MUC4: variants seen among roughly 807,000 people sequenced by gnomAD.
MUC4 encodes mucin 4, cell surface associated.
A neutral mutation model predicts 257.9 loss-of-function variants in MUC4; 202 were observed. The ratio of observed to expected loss-of-function variants is 0.78; its 90% CI spans 0.70 to 0.88. The LOEUF is 0.88. Ranked by LOEUF, MUC4 falls within the 40% of genes least tolerant of loss-of-function variation. The probability of loss-of-function intolerance (pLI) is 0.00; values close to 1 mark genes in which losing one functional copy is unlikely to be tolerated. For synonymous variants in MUC4, 2,351 were observed against 2,757.1 expected, an observed-to-expected ratio of 0.85 and a Z score of 4.62; for missense variants, 5,976 against 6,513.7, an observed-to-expected ratio of 0.92 and a Z score of 2.84.
rs1196815244 is a variant in MUC4, at chr3:195,782,189, T to C, written c.9391A>G (p.Thr3131Ala). Residue 3131 changes from threonine (T) to alanine (A), a missense_variant, in exon 2 of 25, where the codon ACA becomes GCA. By Grantham distance (58) the Thr-to-Ala change is moderately conservative (BLOSUM62 0). This residue lies in a region of MUC4 where 128 missense variants were observed against 104.8 expected (regional missense o/e 1.22). Coordinates refer to ENST00000463781, the MANE Select transcript of MUC4 (RefSeq NM_018406.7). ...LPVTDTSSAS[T>A]GQATALPVTS... ...ACAGGAAGAGCGGTGGCCTGACCTG[T>C]GGATGCTGAGGAAGTGTCGGTGACA... 7.2e-7 allele frequency: 1 copy of C among 1,385,812 alleles called. No individual in the cohort carries two copies. Among genetic ancestry groups the C allele is most frequent in the Admixed American group, 2.2e-5 (1 of 44,462 alleles). 85.8% of individuals were successfully genotyped at this position (1,385,812 alleles called of 1,614,324 possible).
intron 20 of MUC4, 178 bp from the exon 21 acceptor site, chr3:195,752,624 C>A: frequency 1.6e-6 from 1 of 622,468 alleles, no homozygotes; most frequent in Non-Finnish European, 2.9e-6. Flanking sequence ...CTGAAGAAAC[C>A]GGGAGAAGTG....
In MUC4 at chr3:195,763,523, C is replaced by G; in HGVS notation, c.14163G>C (p.Gln4721His). The change falls in exon 12 of 25, where the codon CAG (glutamine) becomes CAC (histidine). Residue 4721 changes from glutamine to histidine, a missense_variant. Transcript: ENST00000463781. ...CTGAGCCAGTCTGGGCGGTGCGGCC[C>G]TGAAGCAGGAAGGAGGAGTTCCCGT... ...AQDGNSSFLL[Q>H]GRTAQTGSAQ... 6.4e-7 allele frequency: 1 copy of G among 1,574,496 alleles called. No individual in the cohort carries two copies. Among genetic ancestry groups the G allele is most frequent in the Non-Finnish European group, 8.6e-7 (1 of 1,158,998 alleles).
chr3:195,797,128 G>T (rs1734673642), intron 1 of MUC4, among the ~76,000 whole-genome samples: 1 of 151,918 alleles, frequency 6.6e-6, no homozygotes, highest in South Asian at 2.1e-4. Context: ...TGTGTGCTGG[G>T]CTTGGTGGCA....
chr3:195,767,489 C>CCATCACCATCACCACCAG (rs1720889025), intron 7 of MUC4, among the ~76,000 whole-genome samples: 1 of 137,704 alleles, frequency 7.3e-6, no homozygotes, highest in Non-Finnish European at 1.6e-5. Flanking sequence ...ATCACCACCA[C>CCATCACCATCACCACCAG]CATCACCATC....
chr3:195,790,441 G>T lies in MUC4; in HGVS notation c.1139C>A (p.Pro380His). The T allele has an allele frequency of 6.2e-7, 1 of 1,613,860 alleles. No individual in the cohort carries two copies. ...FPSGETTTSSPSSVSNTFLVT... is the reference protein window; with the variant it reads ...FPSGETTTSSHSSVSNTFLVT... Reference sequence around the variant, plus strand: ...CAGGAATGTATTGCTGACACTGGAAGGGGATGAGGTGGTTGTTTCACCAGA... The same window carrying T: ...CAGGAATGTATTGCTGACACTGGAATGGGATGAGGTGGTTGTTTCACCAGA... The change falls in exon 2 of 25, where the codon CCT (proline) becomes CAT (histidine). Residue 380 changes from proline (P) to histidine (H), a missense_variant. Pro to His is a moderately conservative substitution (Grantham distance 77). Transcript: ENST00000463781.
At chr3:195,758,617 C>T (rs906095273) in intron 17 of MUC4, among the ~76,000 whole-genome samples, 4 of 146,238 alleles carry the variant, frequency 2.7e-5, no homozygotes, top group Non-Finnish European at 5.9e-5. Flanking sequence ...GGCTGGAGTG[C>T]AGTGACGCGA....
Position 195,785,590 on chromosome 3 carries a change from T to G in MUC4, c.5990A>C (p.His1997Pro). 1 of 1,533,554 alleles carries G rather than the reference T, an allele frequency of 6.5e-7. No individual in the cohort carries two copies. The highest frequency in any genetic ancestry group is 8.8e-7 in the Non-Finnish European group (1 of 1,139,186). 95.0% of individuals were successfully genotyped at this position (1,533,554 alleles called of 1,614,324 possible). A position where few individuals can be genotyped will look rare whatever the true frequency, so the allele number is the denominator to read the frequency against. Residue 1997 changes from histidine (H) to proline (P), a missense_variant, in exon 2 of 25, where the codon CAT (histidine) becomes CCT (proline). Around this residue, in one of 44 missense-constraint regions of MUC4, gnomAD observed 51 missense variants for 45.1 expected, o/e 1.13. Coordinates refer to ENST00000463781, the MANE Select transcript of MUC4 (RefSeq NM_018406.7). ...GTCGGTGACCGGAAGAGGGGTGGCA[T>G]GACCTGTGGACACTGAGGAAGCGTC... Reference protein sequence around the residue: ...VTDASSVSTGHATPLPVTDTS... With the variant: ...VTDASSVSTGPATPLPVTDTS...
At chr3:195,762,699 A>C (rs1480503604) in intron 13 of MUC4, among the ~76,000 whole-genome samples, 156 bp downstream of exon 13, 37 of 27,730 alleles carry the variant, frequency 1.3e-3, no homozygotes, top group Middle Eastern at 0.018. Context: ...CCTGCACCGC[A>C]AAGCACTCGG....
intron 14 of MUC4, 69 bp downstream of exon 14, chr3:195,762,018 C>A: frequency 6.7e-7 from 1 of 1,494,182 alleles, no homozygotes; most frequent in Non-Finnish European, 9.0e-7. Context: ...CTGCCCGGGC[C>A]GCCGGCGTGG....
intron 7 of MUC4, among the ~76,000 whole-genome samples, chr3:195,767,643 C>CACT (rs1560262912): frequency 1.1e-5 from 1 of 94,756 alleles, no homozygotes; most frequent in Non-Finnish European, 2.0e-5. Flanking sequence ...CCACCACCAT[C>CACT]GCCACCACCA....
In MUC4 at chr3:195,757,176, T is replaced by A; in HGVS notation, c.15139A>T (p.Thr5047Ser). The change falls in exon 18 of 25, where the codon ACC (threonine) becomes TCC (serine). Residue 5047 changes from threonine (T) to serine (S), a missense_variant. By Grantham distance (58) the Thr-to-Ser change is moderately conservative (BLOSUM62 1). Coordinates refer to ENST00000463781, the MANE Select transcript of MUC4 (RefSeq NM_018406.7). The surrounding 1 kb of genome is among the most constrained non-coding windows in gnomAD (Gnocchi z 4.8). ...AGGGAGGAGTTGCCCACCCTGCTGG[T>A]CTGATTGTACAAACACTGGCTCTCT... ...NAESQCLYNQ[T>S]SRVGNSSLEV... The A allele has an allele frequency of 6.2e-7, 1 of 1,605,982 alleles. No homozygotes were observed. Among genetic ancestry groups the A allele is most frequent in the Non-Finnish European group, 8.5e-7 (1 of 1,173,572 alleles).
At chr3:195,767,530 G>GCCACCACCATCATCACCACCATCACCA (rs1721006437) in intron 7 of MUC4, among the ~76,000 whole-genome samples, 5 of 53,584 alleles carry the variant, frequency 9.3e-5, no homozygotes, top group South Asian at 7.0e-4. Flanking sequence ...CACCACCATC[G>GCCACCACCATCATCACCACCATCACCA]CCACCACCAT....
Position 195,783,160 on chromosome 3 carries a change from G to C in MUC4, c.8420C>G (p.Ser2807Trp), listed in dbSNP as rs758745503. The change falls in exon 2 of 25, where the codon TCG becomes TGG. Residue 2807 changes from serine (S) to tryptophan (W), a missense_variant. By Grantham distance (177) the Ser-to-Trp change is radical. Transcript: ENST00000463781. ...GGTGGCGTGACCTGTGGACACTGAC[G>C]AAGCGTCGGTGACAGGAAGAGGGGT... ...HTTPLPVTDA[S>W]SVSTGHATSL... The C allele has an allele frequency of 2.8e-6, 4 of 1,439,412 alleles. 1 individual carries two copies. Among genetic ancestry groups the C allele is most frequent in the Non-Finnish European group, 3.8e-6 (4 of 1,054,990 alleles). The allele number at this position is 1,439,412 out of a possible 1,614,324, so 89.2% of individuals were successfully genotyped here. A position where few individuals can be genotyped will look rare whatever the true frequency, so the allele number is the denominator to read the frequency against.
intron 7 of MUC4, 127 bp from the exon 8 acceptor site, chr3:195,766,878 T>C: frequency 2.7e-6 from 2 of 753,262 alleles, no homozygotes; most frequent in Non-Finnish European, 4.5e-6. Context: ...AGTGGGTCAG[T>C]GGGTCAGCCA....
rs1302294180 is a variant in MUC4 at position 195,789,954 on chromosome 3, T to C, written c.1626A>G (p.Pro542=). ...VPSKVSAIGE[P]GEPTTYSSHS... ...GGGAGGAGTATGTGGTGGGCTCTCC[T>C]GGTTCCCCTATTGCTGAGACCTTAG... is the stretch of plus-strand genomic sequence containing the variant. The change falls in exon 2 of 25, where the codon CCA becomes CCG. Residue 542 remains proline (P), a synonymous_variant. Coordinates refer to ENST00000463781, the MANE Select transcript of MUC4 (RefSeq NM_018406.7). 6.2e-7 allele frequency: 1 copy of C among 1,614,012 alleles called. No individual in the cohort carries two copies. The highest frequency in any genetic ancestry group is 8.5e-7 in the Non-Finnish European group (1 of 1,179,884).
intron 7 of MUC4, among the ~76,000 whole-genome samples, chr3:195,767,589 C>T (rs1380155981): frequency 8.5e-6 from 1 of 118,066 alleles, no homozygotes; most frequent in East Asian, 2.0e-4. Context: ...CCACCATCAC[C>T]ACCACCACCA....
rs1362382831 is a variant in MUC4, at chr3:195,787,928, G to A, written c.3652C>T (p.Pro1218Ser). The change falls in exon 2 of 25, where the codon CCT (proline) becomes TCT (serine). Residue 1218 changes from proline to serine, a missense_variant. Transcript: ENST00000463781. ...GACACTGAGGAAGCGTCGGTGACAG[G>A]AAGAGGGGTGGCGTGTCCTGTGGAT... ...SASTGHATPL[P>S]VTDASSVSTD... 1.0e-5 allele frequency: 10 copies of A among 1,004,944 alleles called. 1 individual carries two copies. The highest frequency in any genetic ancestry group is 5.4e-5 in the Admixed American group (2 of 36,754). The allele number at this position is 1,004,944 out of a possible 1,614,324, so 62.3% of individuals were successfully genotyped here.
chr3:195,765,236 G>A, intron 9 of MUC4, 34 bp downstream of exon 9: 1 of 1,594,220 alleles, frequency 6.3e-7, no homozygotes, highest in East Asian at 2.2e-5. Flanking sequence ...GAGGGTGGTG[G>A]GTGGGCTTGT....
In MUC4 at chr3:195,780,141, G is replaced by C; in HGVS notation, c.11439C>G (p.Ser3813Arg). The C allele has an allele frequency of 6.7e-7, 1 of 1,485,880 alleles. No homozygotes were observed. Among genetic ancestry groups the C allele is most frequent in the Admixed American group, 2.0e-5 (1 of 48,982 alleles). 92.0% of individuals were successfully genotyped at this position (1,485,880 alleles called of 1,614,324 possible). Residue 3813 changes from serine (S) to arginine (R), a missense_variant, in exon 2 of 25, where the codon AGC becomes AGG. Physicochemically the swap from Ser to Arg is moderately radical, Grantham distance 110. Coordinates refer to ENST00000463781, the MANE Select transcript of MUC4 (RefSeq NM_018406.7). Reference sequence around the variant, plus strand: ...TGTCACCTGTGGATACTGAGGAAAGGCTGGTGACAGGAAGAGGGGTGGCCT... The same window carrying C: ...TGTCACCTGTGGATACTGAGGAAAGCCTGGTGACAGGAAGAGGGGTGGCCT... ...TGQATPLPVT[S>R]LSSVSTGDTT...
Sources: gnomAD v4.1 joint callset for allele counts (sites outside exome capture counted in the v4.1 genomes callset) on GRCh38, gnomAD v4.1.1 for gene constraint, gnomAD v4.1.1 regional missense constraint, Gnocchi (gnomAD v3.1) non-coding constraint, MANE v1.5 for transcripts, NCBI Gene and HGNC (gene_info 2026-07-23, HGNC 2026-07-21) for gene names.